The following SGCD variants were observed in gnomAD, a reference collection of about 807,000 sequenced individuals.
SGCD encodes sarcoglycan delta.
Under a neutral mutation model 36.6 loss-of-function variants are expected in SGCD, and 18 were observed. That is an observed-to-expected ratio of 0.49 (90% CI 0.34 to 0.73). The LOEUF (loss-of-function observed/expected upper bound fraction) is 0.73. SGCD is among the 30% of genes least tolerant of loss of function. The pLI is 0.01. For missense variants in SGCD, 387 were observed against 346.7 expected, an observed-to-expected ratio of 1.12 and a Z score of -0.92; for synonymous variants, 133 against 130.6, an observed-to-expected ratio of 1.02 and a Z score of -0.12.
intron 1 of SGCD, among the ~76,000 whole-genome samples, chr5:156,074,696 A>C (rs189103665): frequency 6.6e-6 from 1 of 152,310 alleles, no homozygotes. Flanking sequence ...AGAAAAAAGA[A>C]TGTATTTATA....
chr5:155,767,430 A>T, the SGCD span, among the ~76,000 whole-genome samples: 1 of 152,222 alleles, frequency 6.6e-6, no homozygotes, highest in African/African-American at 2.4e-5. Flanking sequence ...TGTATTACAG[A>T]TAATGTGAAA....
intron 3 of SGCD, among the ~76,000 whole-genome samples, chr5:156,380,737 C>A (rs1479790670): frequency 6.6e-6 from 1 of 152,168 alleles, no homozygotes; most frequent in Non-Finnish European, 1.5e-5. Context: ...GTACTAATCT[C>A]TCAAGATTTT....
At chr5:155,821,609 G>A in the SGCD span, among the ~76,000 whole-genome samples, 141 of 152,282 alleles carry the variant, frequency 9.3e-4, no homozygotes, top group Admixed American at 2.7e-3. Context: ...TACTGTGCCT[G>A]GCCTGAAGAG....
chr5:155,773,124 G>A, the SGCD span, among the ~76,000 whole-genome samples: 10 of 152,046 alleles, frequency 6.6e-5, no homozygotes, highest in Non-Finnish European at 7.4e-5. Flanking sequence ...ATAAGGCACC[G>A]GAGCTAGTGT....
chr5:156,687,581 C>T (rs1384799969), intron 7 of SGCD, among the ~76,000 whole-genome samples: 1 of 152,178 alleles, frequency 6.6e-6, no homozygotes, highest in Non-Finnish European at 1.5e-5. Flanking sequence ...ATCAAAGCCG[C>T]ACATTGAAGA....
chr5:155,928,197 A>T (rs1269391347), intron 1 of SGCD, among the ~76,000 whole-genome samples: 1 of 152,156 alleles, frequency 6.6e-6, no homozygotes, highest in Non-Finnish European at 1.5e-5. Context: ...GCCCTCTTTA[A>T]TATAGAAATT....
chr5:156,376,670 C>T (rs1371282687), intron 3 of SGCD, among the ~76,000 whole-genome samples: 2 of 151,884 alleles, frequency 1.3e-5, no homozygotes, highest in Non-Finnish European at 2.9e-5. Flanking sequence ...TTATTGGTTA[C>T]TAATCAAGTA....
the SGCD span, among the ~76,000 whole-genome samples, chr5:155,737,088 A>T: frequency 6.6e-6 from 1 of 152,244 alleles, no homozygotes; most frequent in Admixed American, 6.5e-5. Context: ...AAATGGCAGG[A>T]CAGGGCTTTG....
At chr5:156,224,042 T>A (rs1764786253) in intron 3 of SGCD, among the ~76,000 whole-genome samples, 1 of 151,900 alleles carries the variant, frequency 6.6e-6, no homozygotes, top group African/African-American at 2.4e-5. Context: ...CGTGTTAACA[T>A]AACAATGGCT....
chr5:156,315,970 C>A (rs1242749191), intron 3 of SGCD, among the ~76,000 whole-genome samples: 2 of 151,606 alleles, frequency 1.3e-5, no homozygotes, highest in African/African-American at 4.8e-5. Flanking sequence ...GTTTTCTAGC[C>A]AGAGCAATTA....
At chr5:156,444,093 T>C (rs1438850369) in intron 3 of SGCD, among the ~76,000 whole-genome samples, 18 of 117,912 alleles carry the variant, frequency 1.5e-4, no homozygotes, top group African/African-American at 6.4e-4. Flanking sequence ...TCTCTCTCTC[T>C]CTCTCTCTCT....
At chr5:156,377,051 A>G (rs1002967867) in intron 3 of SGCD, among the ~76,000 whole-genome samples, 1 of 152,178 alleles carries the variant, frequency 6.6e-6, no homozygotes, top group Admixed American at 6.5e-5. Flanking sequence ...AAACCACTAA[A>G]ATGAAAATAA....
intron 3 of SGCD, among the ~76,000 whole-genome samples, chr5:156,125,524 G>A (rs190894983): frequency 2.0e-5 from 3 of 152,138 alleles, no homozygotes; most frequent in Admixed American, 6.5e-5. Flanking sequence ...CTAGAAAGCT[G>A]CTGAGATGGG....
intron 3 of SGCD, among the ~76,000 whole-genome samples, chr5:156,466,155 C>T (rs762194352): frequency 6.6e-6 from 1 of 152,036 alleles, no homozygotes; most frequent in African/African-American, 2.4e-5. Flanking sequence ...AGAGTGAAAA[C>T]GCCAAGTCAT....
At chr5:155,940,593 C>T (rs1423792485) in intron 1 of SGCD, among the ~76,000 whole-genome samples, 1 of 152,100 alleles carries the variant, frequency 6.6e-6, no homozygotes, top group Non-Finnish European at 1.5e-5. Flanking sequence ...TGCCTATAAT[C>T]CCAGCACTTT....
chr5:155,932,604 A>G (rs1757120434), intron 1 of SGCD, among the ~76,000 whole-genome samples: 1 of 152,206 alleles, frequency 6.6e-6, no homozygotes. Flanking sequence ...AATTCAGTCC[A>G]TACAGGTGTC....
chr5:156,388,870 C>A (rs192808904), intron 3 of SGCD, among the ~76,000 whole-genome samples: 1 of 152,126 alleles, frequency 6.6e-6, no homozygotes, highest in Non-Finnish European at 1.5e-5. Flanking sequence ...TATAGAATAT[C>A]GAGACCAGAA....
chr5:156,382,322 T>C (rs1269625572), intron 3 of SGCD, among the ~76,000 whole-genome samples: 1 of 152,058 alleles, frequency 6.6e-6, no homozygotes, highest in East Asian at 1.9e-4. Flanking sequence ...TTTGCAGACT[T>C]CAAAGACCTG....
At chr5:156,460,285 A>G (rs1754429796) in intron 3 of SGCD, among the ~76,000 whole-genome samples, 1 of 152,180 alleles carries the variant, frequency 6.6e-6, no homozygotes, top group African/African-American at 2.4e-5. Flanking sequence ...AAACCACATT[A>G]AGTCTTTGAG....
Sources: allele counts gnomAD v4.1 joint callset (sites outside exome capture counted in the v4.1 genomes callset), GRCh38; gene constraint gnomAD v4.1.1; transcripts MANE v1.5; gene names NCBI Gene and HGNC (gene_info 2026-07-23, HGNC 2026-07-21).